The following RAB3IL1 variants were observed in gnomAD, a reference collection of about 807,000 sequenced individuals.
RAB3IL1 encodes the protein RAB3A interacting protein like 1.
RAB3IL1 carries 37 observed loss-of-function variants against 49.2 expected under a neutral mutation model. That is an observed-to-expected ratio of 0.75 (90% confidence interval 0.58 to 0.99). The LOEUF (loss-of-function observed/expected upper bound fraction) is 0.99, where lower values mean the gene tolerates loss of function less well. Among genes scored for constraint, RAB3IL1 ranks in the 50% least tolerant of loss-of-function variants. RAB3IL1 has a pLI of 0.00. For missense variants in RAB3IL1, 484 were observed against 513.0 expected (o/e 0.94, Z 0.55); for synonymous variants, 193 against 213.9 (o/e 0.90, Z 0.85).
Position 61,906,375 on chromosome 11 carries a change from T to A in RAB3IL1, c.657+91A>T. On this transcript the variant is annotated intron_variant, in intron 5 of 9. Transcript: ENST00000394836. The surrounding 1 kb of genome is among the most constrained non-coding windows in gnomAD (Gnocchi z 4.6). Reference sequence around the variant, plus strand: ...AGGACAGGCTCCAGGTCACACAGCATGGGGCAGGCTGGTCCTCACTGGGCT... The same window carrying A: ...AGGACAGGCTCCAGGTCACACAGCAAGGGGCAGGCTGGTCCTCACTGGGCT... The A allele has an allele frequency of 8.5e-7, 1 of 1,183,304 alleles. No individual in the cohort carries two copies. 73.3% of individuals were successfully genotyped at this position (1,183,304 alleles called of 1,614,324 possible).
Position 61,908,347 on chromosome 11 carries a change from C to T in RAB3IL1, c.12-41G>A, listed in dbSNP as rs1424334764. The T allele has an allele frequency of 2.1e-6, 3 of 1,413,972 alleles. No homozygotes were observed. In the African/African-American group the frequency reaches 4.4e-5, roughly 21 times the overall value. The allele number at this position is 1,413,972 out of a possible 1,614,324, so 87.6% of individuals were successfully genotyped here. ...GGTATCAGCAGGTTCAGGGTGGGGTCCTGAGGCCTGGAGAGCTGAGTCCAG... is the reference window on the plus strand; with the variant it reads ...GGTATCAGCAGGTTCAGGGTGGGGTTCTGAGGCCTGGAGAGCTGAGTCCAG... On this transcript the variant is annotated intron_variant, in intron 1 of 9. Coordinates refer to ENST00000394836, the MANE Select transcript of RAB3IL1 (RefSeq NM_013401.4).
intron 8 of RAB3IL1, 145 bp downstream of exon 8, chr11:61,902,297 G>A: frequency 1.4e-6 from 1 of 731,690 alleles, no homozygotes; most frequent in East Asian, 2.8e-5. Context: ...CAGCCTGGGT[G>A]ACAAAGACTC....
rs1311151776 is a variant in RAB3IL1, at chr11:61,899,233, G to A, written c.1066+81C>T. 7 of 1,447,652 alleles carry A rather than the reference G, an allele frequency of 4.8e-6. No individual in the cohort carries two copies. The East Asian group carries it at 9.6e-5, about 20-fold the overall frequency. 89.7% of individuals were successfully genotyped at this position (1,447,652 alleles called of 1,614,324 possible). ...TAGCTGAGTCTTGCCTCCACTAGGG[G>A]CAGGTGGGCCCAGAGGGCACTTCCC... On this transcript the variant is annotated intron_variant, in intron 9 of 9. Coordinates refer to ENST00000394836, the MANE Select transcript of RAB3IL1 (RefSeq NM_013401.4).
rs745641083 is a variant in RAB3IL1 at position 61,907,557 on chromosome 11, C to T, written c.360+8G>A. 60 of 1,613,962 alleles carry T rather than the reference C, an allele frequency of 3.7e-5. No homozygotes were observed. The highest frequency in any genetic ancestry group is 4.7e-5 in the Non-Finnish European group (55 of 1,179,986). On this transcript the variant is annotated splice_region_variant and intron_variant, in intron 3 of 9. Transcript: ENST00000394836. ...TCCCCAAGTTGTTCCCGCGCCCAGC[C>T]GGTGTACCTCAAACAGGCTGGCCGT...
At chr11:61,899,278 G>T in intron 9 of RAB3IL1, 36 bp downstream of exon 9, 1 of 1,589,536 alleles carries the variant, frequency 6.3e-7, no homozygotes. Context: ...CCACTCCCGT[G>T]TGCGATCCCT....
rs970199229 is a variant in RAB3IL1 at position 61,898,671 on chromosome 11, T to G, written c.1067-311A>C. Among the ~76,000 whole-genome samples the G allele has an allele frequency of 6.6e-6, 1 of 152,158 alleles. No homozygotes were observed. The highest frequency in any genetic ancestry group is 1.5e-5 in the Non-Finnish European group (1 of 68,024). On this transcript the variant is annotated intron_variant, in intron 9 of 9. Coordinates refer to ENST00000394836, the MANE Select transcript of RAB3IL1 (RefSeq NM_013401.4). The surrounding 1 kb of genome is among the most constrained non-coding windows in gnomAD (Gnocchi z 5.1). ...ACAGCGGTGGTCCAGACCTGGGAAC[T>G]ACATTAGACAAGGCACAGATGCCTC...
intron 1 of RAB3IL1, among the ~76,000 whole-genome samples, chr11:61,912,978 G>A (rs1939524188): frequency 6.6e-6 from 1 of 152,200 alleles, no homozygotes; most frequent in Non-Finnish European, 1.5e-5. Context: ...GGTGAAAGCT[G>A]AGAACAGCGG....
At chr11:61,945,554 C>G in the RAB3IL1 span, among the ~76,000 whole-genome samples, 1 of 152,168 alleles carries the variant, frequency 6.6e-6, no homozygotes, top group African/African-American at 2.4e-5. Flanking sequence ...TAGAAACTTA[C>G]CATTCTTTCA....
chr11:61,937,826 G>A, the RAB3IL1 span: 1 of 151,890 alleles, frequency 6.6e-6, no homozygotes, highest in Non-Finnish European at 1.5e-5. Context: ...AACTGTAAAT[G>A]GATTGAATTA....
At chr11:61,912,635 A>C (rs1939505376) in intron 1 of RAB3IL1, among the ~76,000 whole-genome samples, 1 of 152,232 alleles carries the variant, frequency 6.6e-6, no homozygotes, top group Admixed American at 6.5e-5. Context: ...GCCAGAATGC[A>C]CAGCAAGGAA....
At chr11:61,945,669 A>C in the RAB3IL1 span, 3 of 783,626 alleles carry the variant, frequency 3.8e-6, no homozygotes, top group Non-Finnish European at 4.6e-6. Flanking sequence ...GTCTAGGAGA[A>C]GCCTGACCCA....
intron 5 of RAB3IL1, among the ~76,000 whole-genome samples, chr11:61,905,399 G>C (rs1468391223): frequency 6.6e-6 from 1 of 152,140 alleles, no homozygotes; most frequent in African/African-American, 2.4e-5. Flanking sequence ...TTACCTGTCG[G>C]GAAAAGGAGG....
At chr11:61,930,038 G>A in the RAB3IL1 span, among the ~76,000 whole-genome samples, 12 of 151,840 alleles carry the variant, frequency 7.9e-5, no homozygotes, top group East Asian at 1.9e-4. Context: ...GACTACAGGC[G>A]AATGCCACCA....
In RAB3IL1 at chr11:61,908,282, G is replaced by A. The variant is rs1347214689; in HGVS notation, c.36C>T (p.Leu12=). The A allele has an allele frequency of 4.7e-6, 7 of 1,497,696 alleles. No individual in the cohort carries two copies. The Admixed American group carries it at 6.4e-5, about 14-fold the overall frequency. The allele number at this position is 1,497,696 out of a possible 1,614,324, so 92.8% of individuals were successfully genotyped here. Reference sequence around the variant, plus strand: ...CCGGGACAGCTGCAAGGGGCGGCGGGAGGCCCTGGTCTGGCTGGGGTGGGC... The same window carrying A: ...CCGGGACAGCTGCAAGGGGCGGCGGAAGGCCCTGGTCTGGCTGGGGTGGGC... The part of the protein sequence containing the change: ...WSGPPQPDQG[L]PPPLAAVPVP... The change falls in exon 2 of 10, where the codon CTC becomes CTT. Residue 12 remains leucine, a synonymous_variant. Coordinates refer to ENST00000394836, the MANE Select transcript of RAB3IL1 (RefSeq NM_013401.4).
Position 61,898,201 on chromosome 11 carries a change from G to A in RAB3IL1, c.*77C>T, listed in dbSNP as rs536033878. The A allele has an allele frequency of 6.9e-5, 96 of 1,389,808 alleles. No homozygotes were observed. Among genetic ancestry groups the A allele is most frequent in the East Asian group, 1.8e-4 (8 of 43,718 alleles). The allele number at this position is 1,389,808 out of a possible 1,614,324, so 86.1% of individuals were successfully genotyped here. Reference sequence around the variant, plus strand: ...GGCTCAGGGCTGGCTCCAGGCCCCCGTCTCCCTGTGTGTCGGCTTGTTCTG... The same window carrying A: ...GGCTCAGGGCTGGCTCCAGGCCCCCATCTCCCTGTGTGTCGGCTTGTTCTG... On this transcript the variant is annotated 3_prime_UTR_variant, in exon 10 of 10. Coordinates refer to ENST00000394836, the MANE Select transcript of RAB3IL1 (RefSeq NM_013401.4). This position sits in a 1 kb window ranked among gnomAD's most constrained non-coding sequence, Gnocchi z 5.1.
chr11:61,908,046 G>GCA lies in RAB3IL1; in HGVS notation c.264+6_264+7dup. The stretch of plus-strand genomic sequence containing the variant: ...CCGAAGACCCCCCAGCCTACTGCAG[G>GCA]CACCCACCTTCTGCGCTCTGTGCAG... On this transcript the variant is annotated splice_region_variant and intron_variant, in intron 2 of 9. Transcript: ENST00000394836. 3 of 1,602,296 alleles carry GCA rather than the reference G, an allele frequency of 1.9e-6. No individual in the cohort carries two copies. The highest frequency in any genetic ancestry group is 2.6e-6 in the Non-Finnish European group (3 of 1,172,960).
At chr11:61,929,923 T>C in the RAB3IL1 span, among the ~76,000 whole-genome samples, 1 of 94,998 alleles carries the variant, frequency 1.1e-5, no homozygotes, top group Non-Finnish European at 1.9e-5. Flanking sequence ...AAGGTCTCAC[T>C]CCGTTGTTGC....
At chr11:61,925,396 G>A in the RAB3IL1 span, among the ~76,000 whole-genome samples, 1 of 152,172 alleles carries the variant, frequency 6.6e-6, no homozygotes, top group South Asian at 2.1e-4. Context: ...CACTTTGGGA[G>A]GCTGAGGTGG....
upstream of RAB3IL1, among the ~76,000 whole-genome samples, chr11:61,925,102 G>A (rs984555899): frequency 2.0e-5 from 3 of 152,186 alleles, no homozygotes; most frequent in East Asian, 5.8e-4. Context: ...GCAGCGGCCC[G>A]ACAGTCCTTG....
Sources: gnomAD v4.1 joint callset for allele counts (sites outside exome capture counted in the v4.1 genomes callset) on GRCh38, gnomAD v4.1.1 for gene constraint, Gnocchi (gnomAD v3.1) non-coding constraint, MANE v1.5 for transcripts, NCBI Gene and HGNC (gene_info 2026-07-23, HGNC 2026-07-21) for gene names.